Variants in HLA-F observed in about 807,000 individuals in gnomAD.
HLA-F encodes the protein major histocompatibility complex, class I, F.
Under a neutral mutation model 49.5 loss-of-function variants are expected in HLA-F, and 46 were observed. That is an observed-to-expected ratio of 0.93 (90% CI 0.73 to 1.19). HLA-F has a LOEUF of 1.19. HLA-F is among the 50% of genes most tolerant of loss of function. The pLI, the probability that HLA-F is intolerant of heterozygous loss-of-function variation, is 0.00. For synonymous variants in HLA-F, 203 were observed against 233.5 expected (o/e 0.87, Z 1.19); for missense variants, 496 against 579.6 (o/e 0.86, Z 1.48).
downstream of HLA-F, among the ~76,000 whole-genome samples, chr6:29,732,131 A>ATT (rs9256970): frequency 0.024 from 3,690 of 151,092 alleles, 102 homozygotes; most frequent in African/African-American, 0.061. Context: ...TGCCCAGCTA[A>ATT]TTTTTTTTTG....
intron 6 of HLA-F, 149 bp downstream of exon 6, chr6:29,726,192 C>T (rs1736922): frequency 0.25 from 234,092 of 953,640 alleles, 30,872 homozygotes; most frequent in South Asian, 0.34. Context: ...CTGACAGTGC[C>T]CAGGGCTCTG....
chr6:29,723,642 C>T lies in HLA-F; in HGVS notation c.65-16C>T. 6.2e-7 allele frequency: 1 copy of T among 1,605,796 alleles called. No homozygotes were observed. Among genetic ancestry groups the T allele is most frequent in the South Asian group, 1.1e-5 (1 of 90,518 alleles). ...GGAGGAGGGTCTGGCGGGTCTCAGC[C>T]CCTCCTCGCCCCCAGGCTCCCACTC... On this transcript the variant is annotated splice_polypyrimidine_tract_variant and intron_variant, in intron 1 of 6. Transcript: ENST00000259951.
At chr6:29,726,732 T>G (rs1047861283) in intron 6 of HLA-F, 151 bp from the exon 7 acceptor site, 3 of 1,218,074 alleles carry the variant, frequency 2.5e-6, no homozygotes, top group Non-Finnish European at 1.2e-6. Context: ...GTCGAACATA[T>G]GCCTTCCTCT....
Position 29,723,857 on chromosome 6 carries a change from C to G in HLA-F, c.264C>G (p.Ala88=), listed in dbSNP as rs117540842. 3,859 of 1,598,380 alleles carry G rather than the reference C, an allele frequency of 2.4e-3. 93 individuals carry two copies. In the East Asian group the frequency reaches 0.051, roughly 21 times the overall value. ...ATTGGGAGTGGACCACAGGGTACGC[C>G]AAGGCCAACGCACAGACTGACCGAG... ...PQYWEWTTGY[A]KANAQTDRVA... Residue 88 remains alanine, a synonymous_variant, in exon 2 of 7, where the codon GCC becomes GCG. Coordinates refer to ENST00000259951, the MANE Select transcript of HLA-F (RefSeq NM_001098479.2).
downstream of HLA-F, chr6:29,729,075 C>T (rs885945): frequency 0.2 from 30,395 of 152,074 alleles, 3,257 homozygotes; most frequent in South Asian, 0.32. Flanking sequence ...GCAAGCAACC[C>T]TCCCTGTGGC....
intron 3 of HLA-F, among the ~76,000 whole-genome samples, chr6:29,733,875 T>TTA (rs9280687): frequency 0.15 from 22,051 of 151,932 alleles, 1,770 homozygotes; most frequent in Admixed American, 0.18. Flanking sequence ...AATACTATAA[T>TTA]TATATATATA....
At chr6:29,731,232 C>G (rs1736918), downstream of HLA-F, among the ~76,000 whole-genome samples, 31,097 of 81,510 alleles carry the variant, frequency 0.38, 3,620 homozygotes, top group East Asian at 0.57. Flanking sequence ...TAGATGGATA[C>G]ATAGATAGAT....
chr6:29,724,200 G>T lies in HLA-F; in HGVS notation c.362G>T (p.Gly121Val). 1 of 1,613,174 alleles carries T rather than the reference G, an allele frequency of 6.2e-7. No homozygotes were observed. Among genetic ancestry groups the T allele is most frequent in the Non-Finnish European group, 8.5e-7 (1 of 1,180,034 alleles). Reference protein sequence around the residue: ...AGSHTLQGMNGCDMGPDGRLL... With the variant: ...AGSHTLQGMNVCDMGPDGRLL... Reference sequence around the variant, plus strand: ...TCTCACACCCTCCAGGGAATGAATGGCTGCGACATGGGGCCCGACGGACGC... The same window carrying T: ...TCTCACACCCTCCAGGGAATGAATGTCTGCGACATGGGGCCCGACGGACGC... Residue 121 changes from glycine (G) to valine (V), a missense_variant, in exon 3 of 7, where the codon GGC becomes GTC. Physicochemically the swap from Gly to Val is moderately radical, Grantham distance 109 (BLOSUM62 -3). Coordinates refer to ENST00000259951, the MANE Select transcript of HLA-F (RefSeq NM_001098479.2).
chr6:29,726,530 G>T, intron 6 of HLA-F: 1 of 1,527,670 alleles, frequency 6.5e-7, no homozygotes, highest in South Asian at 1.2e-5. Context: ...ATAGATACAG[G>T]TAGATATGTT....
chr6:29,724,598 T>C, intron 3 of HLA-F, 150 bp downstream of exon 3: 1 of 798,670 alleles, frequency 1.3e-6, no homozygotes, highest in East Asian at 2.7e-5. Context: ...CGAGATCCGG[T>C]ACCAGAGAGT....
intron 3 of HLA-F, 97 bp from the exon 4 acceptor site, chr6:29,724,934 C>T (rs569852307): frequency 1.4e-6 from 2 of 1,382,956 alleles, no homozygotes; most frequent in South Asian, 1.3e-5. Flanking sequence ...CCCTTCCCCA[C>T]CCCAGGTGTC....
At chr6:29,728,018 A>C, downstream of HLA-F, 1 of 518,914 alleles carries the variant, frequency 1.9e-6, no homozygotes, top group South Asian at 1.4e-5. Flanking sequence ...CAATTTTCCC[A>C]CCAGAGGACA....
intron 2 of HLA-F, 53 bp downstream of exon 2, chr6:29,723,980 G>A: frequency 6.4e-7 from 1 of 1,563,134 alleles, no homozygotes; most frequent in Non-Finnish European, 8.7e-7. Context: ...ATCCGCCACG[G>A]ACCGCCCGGG....
chr6:29,724,540 G>T, intron 3 of HLA-F, 92 bp downstream of exon 3: 3 of 1,303,674 alleles, frequency 2.3e-6, no homozygotes, highest in Middle Eastern at 2.4e-4. Flanking sequence ...CCAATGCTAG[G>T]ATATCGCCCT....
In HLA-F at chr6:29,724,465, G is replaced by T; in HGVS notation, c.610+17G>T. Reference sequence around the variant, plus strand: ...AGCGCGCAGGTACCAGGGGCCATGGGCGCCTTCCCTATCTCCTGTAGATCT... The same window carrying T: ...AGCGCGCAGGTACCAGGGGCCATGGTCGCCTTCCCTATCTCCTGTAGATCT... On this transcript the variant is annotated intron_variant, in intron 3 of 6. Transcript: ENST00000259951. 1 of 1,611,554 alleles carries T rather than the reference G, an allele frequency of 6.2e-7. No homozygotes were observed. The highest frequency in any genetic ancestry group is 8.5e-7 in the Non-Finnish European group (1 of 1,178,866).
At chr6:29,726,151 AC>A in intron 6 of HLA-F, 108 bp downstream of exon 6, 1 of 1,162,384 alleles carries the variant, frequency 8.6e-7, no homozygotes, top group Non-Finnish European at 1.3e-6. Flanking sequence ...GTGGGCTCTG[AC>A]CAGGTCCTGT....
downstream of HLA-F, chr6:29,729,154 C>T (rs1394096703): frequency 2.0e-5 from 3 of 152,184 alleles, no homozygotes; most frequent in Non-Finnish European, 2.9e-5. Flanking sequence ...AGTAAACCCT[C>T]CATTTCAGCA....
chr6:29,723,966 C>G (rs547518914), intron 2 of HLA-F, 39 bp downstream of exon 2: 2 of 1,573,436 alleles, frequency 1.3e-6, no homozygotes, highest in South Asian at 1.2e-5. Flanking sequence ...CACGACCACC[C>G]CCCATCCGCC....
chr6:29,728,058 C>G (rs532168931), downstream of HLA-F: 7 of 518,986 alleles, frequency 1.3e-5, no homozygotes, highest in African/African-American at 1.3e-4. Flanking sequence ...TGTTTTGTTG[C>G]CATGACTGGA....
Sources: gnomAD v4.1 joint callset for allele counts (sites outside exome capture counted in the v4.1 genomes callset) on GRCh38, gnomAD v4.1.1 for gene constraint, MANE v1.5 for transcripts, NCBI Gene and HGNC (gene_info 2026-07-23, HGNC 2026-07-21) for gene names.